CREB5: variants seen among roughly 807,000 people sequenced by gnomAD.
The protein encoded by CREB5 is cAMP responsive element binding protein 5, also known as cyclic AMP-responsive element-binding protein 5.
A neutral mutation model predicts 57.1 loss-of-function variants in CREB5; 19 were observed. The observed-to-expected ratio is 0.33, with a 90% CI of 0.23 to 0.49. The LOEUF (loss-of-function observed/expected upper bound fraction) is 0.49, where lower values mean the gene tolerates loss of function less well. Ranked by LOEUF, CREB5 falls within the 20% of genes least tolerant of loss-of-function variation. The pLI, the probability that CREB5 is intolerant of heterozygous loss-of-function variation, is 0.99. For missense variants in CREB5, 579 were observed against 671.6 expected (o/e 0.86, Z 1.52); for synonymous variants, 238 against 238.3 (o/e 1.00, Z 0.01).
intron 1 of CREB5, among the ~76,000 whole-genome samples, chr7:28,430,318 C>T (rs751708629): frequency 2.0e-5 from 3 of 152,154 alleles, no homozygotes; most frequent in Non-Finnish European, 2.9e-5. Flanking sequence ...CAGTGCTAAG[C>T]GTGGAGCCAG....
At chr7:28,728,068 C>T (rs1462775518) in intron 7 of CREB5, among the ~76,000 whole-genome samples, 1 of 152,120 alleles carries the variant, frequency 6.6e-6, no homozygotes, top group Non-Finnish European at 1.5e-5. Context: ...ACCTCAGCCT[C>T]CTGAGTAGCT....
chr7:28,806,415 T>C (rs912970135), intron 8 of CREB5, among the ~76,000 whole-genome samples: 1 of 152,208 alleles, frequency 6.6e-6, no homozygotes, highest in Non-Finnish European at 1.5e-5. Context: ...TTTTGCTTAA[T>C]TGTATGATTA....
chr7:28,816,227 G>A (rs554020334), intron 9 of CREB5, among the ~76,000 whole-genome samples: 6 of 152,074 alleles, frequency 3.9e-5, no homozygotes, highest in Non-Finnish European at 7.4e-5. Flanking sequence ...AAAGAAGGAA[G>A]GCCATCTGAA....
chr7:28,744,185 A>AT (rs1382966695), intron 7 of CREB5, among the ~76,000 whole-genome samples: 2 of 149,256 alleles, frequency 1.3e-5, no homozygotes, highest in Admixed American at 6.7e-5. Context: ...TGAACTCATC[A>AT]TTTTTTATGG....
At chr7:28,589,452 G>C (rs922635730) in intron 5 of CREB5, among the ~76,000 whole-genome samples, 1 of 152,154 alleles carries the variant, frequency 6.6e-6, no homozygotes, top group Admixed American at 6.5e-5. Flanking sequence ...TACTCGGGAG[G>C]CTGAGGCAGG....
chr7:28,760,761 T>C (rs1302616591), intron 7 of CREB5, among the ~76,000 whole-genome samples: 1 of 152,204 alleles, frequency 6.6e-6, no homozygotes, highest in East Asian at 1.9e-4. Flanking sequence ...TAGTAAAGCC[T>C]ACCTATGACT....
At chr7:28,703,008 T>C (rs1295392306) in intron 5 of CREB5, among the ~76,000 whole-genome samples, 1 of 152,138 alleles carries the variant, frequency 6.6e-6, no homozygotes, top group Non-Finnish European at 1.5e-5. Flanking sequence ...GGTGGAAAGA[T>C]AGTACTACAG....
chr7:28,615,038 T>G (rs1797542947), intron 5 of CREB5: 2 of 152,258 alleles, frequency 1.3e-5, no homozygotes, highest in Non-Finnish European at 2.9e-5. Context: ...TCTCTTTTTT[T>G]GTCCTTTATT....
rs374835338 is a variant in CREB5 at position 28,321,888 on chromosome 7, C to T, written c.-25+22447C>T. ...CCCTGTGTCAGATACATGAAGTTGG[C>T]ACTGACAGTAGCAGAAAAGATGTGA... On this transcript the variant is annotated intron_variant, in intron 1 of 9. Transcript: ENST00000396299. Among the ~76,000 whole-genome samples the T allele has an allele frequency of 4.6e-5, 7 of 152,176 alleles. No individual in the cohort carries two copies. The East Asian group carries it at 1.2e-3, about 25-fold the overall frequency.
chr7:28,312,845 T>C (rs966118251), intron 1 of CREB5, among the ~76,000 whole-genome samples: 4 of 152,196 alleles, frequency 2.6e-5, no homozygotes, highest in African/African-American at 9.7e-5. Context: ...ACTCATAGTG[T>C]TGCCAGTGGT....
chr7:28,734,329 G>T, intron 7 of CREB5, among the ~76,000 whole-genome samples: 1 of 151,656 alleles, frequency 6.6e-6, no homozygotes, highest in Non-Finnish European at 1.5e-5. Flanking sequence ...AGAGGCAAAG[G>T]AATGTGTTAA....
At chr7:28,623,196 T>C (rs998415766) in intron 5 of CREB5, among the ~76,000 whole-genome samples, 2 of 152,140 alleles carry the variant, frequency 1.3e-5, no homozygotes, top group African/African-American at 4.8e-5. Flanking sequence ...TCTACTTCTT[T>C]ATAGGAGGAT....
intron 5 of CREB5, among the ~76,000 whole-genome samples, chr7:28,716,883 A>G (rs1802717285): frequency 6.6e-6 from 1 of 152,084 alleles, no homozygotes. Flanking sequence ...CTTAGTCCTT[A>G]TTGTCAATCT....
intron 5 of CREB5, among the ~76,000 whole-genome samples, chr7:28,640,092 A>G (rs1798589477): frequency 6.6e-6 from 1 of 152,204 alleles, no homozygotes; most frequent in Admixed American, 6.5e-5. Context: ...GCTCCAGAGC[A>G]GTGTAGGTGG....
chr7:28,472,914 T>G (rs1223920205), intron 1 of CREB5, among the ~76,000 whole-genome samples: 1 of 152,210 alleles, frequency 6.6e-6, no homozygotes, highest in African/African-American at 2.4e-5. Context: ...TTGCCAGCCT[T>G]CTTTCAGTCC....
intron 7 of CREB5, among the ~76,000 whole-genome samples, chr7:28,724,991 A>G (rs1027684730): frequency 2.0e-5 from 3 of 152,234 alleles, no homozygotes; most frequent in African/African-American, 7.2e-5. Flanking sequence ...CTGTCTTTGC[A>G]ATATAAAGTA....
At position 28,542,779 on chromosome 7, in the gene CREB5, T is replaced by C. The variant is rs117607524; in HGVS notation, c.292-27586T>C. ...CCTGACAGAAAAGCTTGAGTGGATT[T>C]TCATGTCACCATAACACCAAGATGG... On this transcript the variant is annotated intron_variant, in intron 4 of 10. Transcript: ENST00000357727. Among the ~76,000 whole-genome samples, 1,232 of 152,302 alleles carry C rather than the reference T, an allele frequency of 8.1e-3. 14 individuals are homozygous for C. Among genetic ancestry groups the C allele is most frequent in the Middle Eastern group, 0.024 (7 of 294 alleles).
At position 28,736,809 on chromosome 7, in the gene CREB5, G is replaced by GCT. The variant is rs200614614; in HGVS notation, c.702+12492_702+12493dup. On this transcript the variant is annotated intron_variant, in intron 7 of 10. Coordinates refer to ENST00000357727, the MANE Select transcript of CREB5 (RefSeq NM_182898.4). ...TTATCCATGTCAGCTATGTACTTAGGCTCTCTCTCTCTCTCTTTTTTTTTT... is the reference window on the plus strand; with the variant it reads ...TTATCCATGTCAGCTATGTACTTAGGCTCTCTCTCTCTCTCTCTTTTTTTTTT... 1.2e-3 allele frequency among the ~76,000 whole-genome samples: 178 copies of GCT among 145,898 alleles called. 5 individuals are homozygous for GCT. The highest frequency in any genetic ancestry group is 7.1e-3 in the Middle Eastern group (2 of 282).
At chr7:28,661,419 AC>A (rs1313296335) in intron 5 of CREB5, among the ~76,000 whole-genome samples, 1 of 146,194 alleles carries the variant, frequency 6.8e-6, no homozygotes, top group African/African-American at 2.5e-5. Flanking sequence ...TCATTTCTCT[AC>A]CCACCCTCCC....
Sources: gnomAD v4.1 joint callset for allele counts (sites outside exome capture counted in the v4.1 genomes callset) on GRCh38, gnomAD v4.1.1 for gene constraint, MANE v1.5 for transcripts, NCBI Gene and HGNC (gene_info 2026-07-23, HGNC 2026-07-21) for gene names.